The following B4GALNT2 variants were observed in gnomAD, a reference collection of about 807,000 sequenced individuals.
B4GALNT2 encodes beta-1,4-N-acetyl-galactosaminyltransferase 2 (SID blood group), also known as N-acetylneuraminylgalactosylglucosyl-glucoside beta-1,4-N- acetylgalactosaminyltransferase 2.
In B4GALNT2, 42 loss-of-function variants were observed where a neutral mutation model predicts 51.1. The observed-to-expected ratio is 0.82, with a 90% CI of 0.64 to 1.06. The LOEUF (loss-of-function observed/expected upper bound fraction) is 1.06, where lower values mean the gene tolerates loss of function less well. Among genes scored for constraint, B4GALNT2 ranks in the 50% least tolerant of loss-of-function variants. The probability of loss-of-function intolerance (pLI) is 0.00; values close to 1 mark genes in which losing one functional copy is unlikely to be tolerated. For synonymous variants in B4GALNT2, 253 were observed against 251.7 expected (o/e 1.01, Z -0.05); for missense variants, 602 against 633.6 (o/e 0.95, Z 0.54).
upstream of B4GALNT2, among the ~76,000 whole-genome samples, chr17:49,128,736 C>T (rs576067774): frequency 1.9e-4 from 29 of 152,244 alleles, no homozygotes; most frequent in South Asian, 3.1e-3. Context: ...CGGGCCAGGC[C>T]ATGTTGCAAT....
chr17:49,142,471 C>T (rs1184889611), intron 3 of B4GALNT2, among the ~76,000 whole-genome samples: 1 of 152,164 alleles, frequency 6.6e-6, no homozygotes, highest in Non-Finnish European at 1.5e-5. Context: ...GGGAGGATAG[C>T]TTGAGCCCAG....
At chr17:49,137,014 A>G (rs2042596560) in intron 1 of B4GALNT2, among the ~76,000 whole-genome samples, 1 of 152,212 alleles carries the variant, frequency 6.6e-6, no homozygotes, top group Non-Finnish European at 1.5e-5. Flanking sequence ...ACACAGCTTA[A>G]AAGGCATGTA....
chr17:49,141,381 G>C lies in B4GALNT2; in HGVS notation c.149G>C (p.Gly50Ala). The part of the protein sequence containing the change: ...PKPELPSPAP[G>A]VQKLKLLPEE... ...CCAGAACTCCCAAGTCCTGCCCCGG[G>C]TGTCCAGAAGCTGAAGCTTCTGCCT... The change falls in exon 2 of 11, where the codon GGT becomes GCT. Residue 50 changes from glycine (G) to alanine (A), a missense_variant. By Grantham distance (60) the Gly-to-Ala change is moderately conservative. Transcript: ENST00000393354. 1.2e-6 allele frequency: 2 copies of C among 1,614,114 alleles called. No homozygotes were observed. Among genetic ancestry groups the C allele is most frequent in the Non-Finnish European group, 1.7e-6 (2 of 1,180,018 alleles).
chr17:49,155,125 A>G (rs113536861), intron 4 of B4GALNT2, among the ~76,000 whole-genome samples: 11,377 of 151,762 alleles, frequency 0.075, 523 homozygotes, highest in South Asian at 0.15. Flanking sequence ...CCTGGCCAAC[A>G]TAGTGAAACC....
the B4GALNT2 span, among the ~76,000 whole-genome samples, chr17:49,120,742 T>C: frequency 6.6e-6 from 1 of 152,004 alleles, no homozygotes; most frequent in East Asian, 1.9e-4. Context: ...ATTCCTGGGT[T>C]CAAGTGATCC....
intron 3 of B4GALNT2, among the ~76,000 whole-genome samples, chr17:49,142,596 G>A (rs1168883753): frequency 6.6e-6 from 1 of 152,080 alleles, no homozygotes; most frequent in East Asian, 1.9e-4. Context: ...GTAGGCTGAA[G>A]TGAGAGGATC....
chr17:49,133,729 A>T (rs944317951), intron 1 of B4GALNT2, among the ~76,000 whole-genome samples: 1 of 152,108 alleles, frequency 6.6e-6, no homozygotes, highest in Non-Finnish European at 1.5e-5. Flanking sequence ...CCTGGCCAAC[A>T]TGGTGAAACC....
intron 3 of B4GALNT2, chr17:49,148,348 T>A: frequency 2.7e-6 from 1 of 365,232 alleles, no homozygotes; most frequent in Non-Finnish European, 5.4e-6. Flanking sequence ...TTTACTGAGG[T>A]GGCTGACCAC....
At position 49,159,216 on chromosome 17, in the gene B4GALNT2, A is replaced by G. The variant is rs1247268105; in HGVS notation, c.678A>G (p.Ile226Met). 1 of 1,614,024 alleles carries G rather than the reference A, an allele frequency of 6.2e-7. No individual in the cohort carries two copies. The highest frequency in any genetic ancestry group is 1.7e-5 in the Admixed American group (1 of 60,024). Residue 226 changes from isoleucine (I) to methionine (M), a missense_variant and splice_region_variant, in exon 6 of 11, where the codon ATA (isoleucine) becomes ATG (methionine). Ile to Met is a conservative substitution (Grantham distance 10). Transcript: ENST00000393354. ...GGTACCAGCACCAGAAGGTAGACAT[A>G]GGTGAGAGCCTGTCCTTGGAGTGCA... ...STGYQHQKVD[I>M]VSLESRSSVA...
intron 6 of B4GALNT2, among the ~76,000 whole-genome samples, chr17:49,159,468 A>G (rs2042842729): frequency 6.6e-6 from 1 of 152,062 alleles, no homozygotes; most frequent in Non-Finnish European, 1.5e-5. Flanking sequence ...CAACCTCCCA[A>G]GTAGCTGGGA....
At position 49,166,240 on chromosome 17, in the gene B4GALNT2, A is replaced by G. The variant is rs1307767674; in HGVS notation, c.1081A>G (p.Thr361Ala). ...GGTGCTGGTGGATGTCCTGGAGAAA[A>G]CAGAACTGGACGTGGTAAGGGACAG... The part of the protein sequence containing the change: ...IEVLVDVLEK[T>A]ELDVVGGSVL... The change falls in exon 9 of 11, where the codon ACA (threonine) becomes GCA (alanine). Residue 361 changes from threonine (T) to alanine (A), a missense_variant. Physicochemically the swap from Thr to Ala is moderately conservative, Grantham distance 58 (BLOSUM62 0). Transcript: ENST00000393354. 24 of 1,613,822 alleles carry G rather than the reference A, an allele frequency of 1.5e-5. No homozygotes were observed. Among genetic ancestry groups the G allele is most frequent in the Non-Finnish European group, 2.0e-5 (24 of 1,179,990 alleles).
chr17:49,151,983 G>T (rs1025981100), intron 3 of B4GALNT2, among the ~76,000 whole-genome samples: 3 of 152,140 alleles, frequency 2.0e-5, no homozygotes, highest in Non-Finnish European at 4.4e-5. Flanking sequence ...TTCCCACGAA[G>T]TTCAGATGTG....
At chr17:49,168,653 A>C in intron 9 of B4GALNT2, 28 bp from the exon 10 acceptor site, 1 of 1,604,446 alleles carries the variant, frequency 6.2e-7, no homozygotes, top group Non-Finnish European at 8.5e-7. Flanking sequence ...TCTGCACTCT[A>C]ACATGGATTT....
intron 10 of B4GALNT2, 103 bp downstream of exon 10, chr17:49,169,003 G>A: frequency 1.6e-6 from 2 of 1,212,664 alleles, no homozygotes; most frequent in South Asian, 2.9e-5. Context: ...ATAGTCGCTT[G>A]CCCAGTAGCA....
intron 3 of B4GALNT2, chr17:49,148,471 G>T (rs773639313): frequency 3.4e-6 from 1 of 294,948 alleles, no homozygotes; most frequent in Non-Finnish European, 6.7e-6. Context: ...CTTGCAGGTG[G>T]CTCACCCTCC....
chr17:49,139,647 G>T (rs1203971702), intron 1 of B4GALNT2, among the ~76,000 whole-genome samples: 1 of 152,132 alleles, frequency 6.6e-6, no homozygotes, highest in Non-Finnish European at 1.5e-5. Context: ...CTCCTCAGTA[G>T]TTAGGACTAT....
At chr17:49,122,590 A>C in the B4GALNT2 span, among the ~76,000 whole-genome samples, 537 of 152,324 alleles carry the variant, frequency 3.5e-3, 3 homozygotes, top group African/African-American at 0.012. Flanking sequence ...CAAACCAATA[A>C]TCTATTTGGT....
chr17:49,153,955 A>G (rs542086169), intron 4 of B4GALNT2, among the ~76,000 whole-genome samples: 1 of 152,184 alleles, frequency 6.6e-6, no homozygotes, highest in East Asian at 1.9e-4. Flanking sequence ...TTGGCTTTTC[A>G]ATGTCCTCCA....
intron 1 of B4GALNT2, among the ~76,000 whole-genome samples, chr17:49,136,518 G>GTTTATTTA (rs141696525): frequency 1.2e-3 from 180 of 148,418 alleles, no homozygotes; most frequent in South Asian, 1.7e-3. Context: ...TCACATTAGA[G>GTTTATTTA]TTTATTTATT....
Sources: gnomAD v4.1 joint callset for allele counts (sites outside exome capture counted in the v4.1 genomes callset) on GRCh38, gnomAD v4.1.1 for gene constraint, MANE v1.5 for transcripts, NCBI Gene and HGNC (gene_info 2026-07-23, HGNC 2026-07-21) for gene names.